The following TCF4 variants were observed in gnomAD, a reference collection of about 807,000 sequenced individuals.
TCF4 encodes the protein transcription factor 4, also known as SL3-3 enhancer factor 2.
Under a neutral mutation model 82.1 loss-of-function variants are expected in TCF4, and 3 were observed. That is an observed-to-expected ratio of 0.04 (90% CI 0.02 to 0.09). The LOEUF (loss-of-function observed/expected upper bound fraction) is 0.09. Ranked by LOEUF, TCF4 falls within the 10% of genes least tolerant of loss-of-function variation. The probability of loss-of-function intolerance (pLI) is 1.00; values close to 1 mark genes in which losing one functional copy is unlikely to be tolerated. For synonymous variants in TCF4, 276 were observed against 309.6 expected, an observed-to-expected ratio of 0.89 and a Z score of 1.14; for missense variants, 518 against 852.7, an observed-to-expected ratio of 0.61 and a Z score of 4.89.
chr18:55,300,119 CA>C lies in TCF4; in HGVS notation c.550-20464del, dbSNP rs1568830557. ...AGATATACACACACACACACACACA[CA>C]CACACCCCACATTAATCTCTATTGC... On this transcript the variant is annotated intron_variant, in intron 8 of 19. Coordinates refer to ENST00000354452, the MANE Select transcript of TCF4 (RefSeq NM_001083962.2). Among the ~76,000 whole-genome samples the C allele has an allele frequency of 1.4e-3, 216 of 152,110 alleles. 2 individuals carry two copies. The highest frequency in any genetic ancestry group is 4.7e-3 in the African/African-American group (197 of 41,474).
At chr18:55,554,718 T>C (rs1327006902) in intron 3 of TCF4, among the ~76,000 whole-genome samples, 1 of 152,178 alleles carries the variant, frequency 6.6e-6, no homozygotes, top group Non-Finnish European at 1.5e-5. Flanking sequence ...GGGGGTGCCA[T>C]GCAGTGGCCC....
intron 8 of TCF4, among the ~76,000 whole-genome samples, chr18:55,324,451 A>C (rs2076217369): frequency 6.6e-6 from 1 of 152,204 alleles, no homozygotes; most frequent in Non-Finnish European, 1.5e-5. Context: ...ATAAATTTTT[A>C]GTGTGATGCG....
intron 5 of TCF4, among the ~76,000 whole-genome samples, chr18:55,410,527 C>T (rs1055945329): frequency 2.0e-5 from 3 of 152,014 alleles, no homozygotes; most frequent in Admixed American, 1.3e-4. Context: ...ACCCTAAAAG[C>T]TCATTAAATG....
intron 14 of TCF4, 85 bp downstream of exon 14, chr18:55,257,230 C>A (rs902718610): frequency 6.0e-5 from 86 of 1,423,174 alleles, no homozygotes; most frequent in Middle Eastern, 1.8e-4. Context: ...CAGGGAAAAT[C>A]AAAATCTTGG....
intron 3 of TCF4, among the ~76,000 whole-genome samples, chr18:55,528,196 T>C (rs531377653): frequency 6.6e-6 from 1 of 152,334 alleles, no homozygotes; most frequent in East Asian, 1.9e-4. Context: ...ATCTGGAAGC[T>C]GCACGATATT....
At chr18:55,280,682 G>A (rs980056093) in intron 8 of TCF4, among the ~76,000 whole-genome samples, 1 of 151,980 alleles carries the variant, frequency 6.6e-6, no homozygotes, top group Admixed American at 6.6e-5. Flanking sequence ...CACAAAATTG[G>A]CAGTGAGCCT....
intron 3 of TCF4, among the ~76,000 whole-genome samples, chr18:55,575,245 C>T (rs1293875512): frequency 1.3e-5 from 2 of 152,132 alleles, no homozygotes; most frequent in African/African-American, 2.4e-5. Context: ...CATAAGAGAA[C>T]AGAAAAGCAT....
rs1299057545 is a variant in TCF4, at chr18:55,360,732, T to C, written c.370-9729A>G. On this transcript the variant is annotated intron_variant, in intron 6 of 19. Coordinates refer to ENST00000354452, the MANE Select transcript of TCF4 (RefSeq NM_001083962.2). ...GCCATAATTTGCCCGCCCCCCACCC[T>C]TTTTTTTTTTTTTTTGAGAGAAGTC... Among the ~76,000 whole-genome samples, 58 of 23,296 alleles carry C rather than the reference T, an allele frequency of 2.5e-3. 2 individuals carry two copies. The highest frequency in any genetic ancestry group is 0.021 in the South Asian group (19 of 884). The allele number at this position is 23,296 out of a possible 152,430, so 15.3% of individuals were successfully genotyped here.
At chr18:55,341,144 T>G (rs2079859906) in intron 8 of TCF4, among the ~76,000 whole-genome samples, 1 of 152,180 alleles carries the variant, frequency 6.6e-6, no homozygotes, top group Non-Finnish European at 1.5e-5. Flanking sequence ...TGTAGAGAGC[T>G]TTTTGGTCTA....
At chr18:55,598,808 A>G (rs375591968) in intron 2 of TCF4, among the ~76,000 whole-genome samples, 1 of 152,240 alleles carries the variant, frequency 6.6e-6, no homozygotes, top group Non-Finnish European at 1.5e-5. Context: ...AGAGCCATCA[A>G]ATACAGCTCC....
At chr18:55,435,437 T>C (rs943747716) in intron 5 of TCF4, among the ~76,000 whole-genome samples, 2 of 152,254 alleles carry the variant, frequency 1.3e-5, no homozygotes, top group African/African-American at 4.8e-5. Context: ...CCATGTTTAC[T>C]GTTTGTCTCT....
At chr18:55,393,163 G>A (rs1012755039) in intron 6 of TCF4, among the ~76,000 whole-genome samples, 1 of 152,148 alleles carries the variant, frequency 6.6e-6, no homozygotes. Flanking sequence ...TCAGGAATTT[G>A]AGACAGCCTG....
At chr18:55,254,452 T>G (rs982088628) in intron 15 of TCF4, 45 bp downstream of exon 15, 2 of 1,567,666 alleles carry the variant, frequency 1.3e-6, no homozygotes, top group Non-Finnish European at 8.8e-7. Flanking sequence ...TCTGAAATTC[T>G]AACTCTATAT....
At chr18:55,486,997 CA>C (rs1460857250) in intron 3 of TCF4, among the ~76,000 whole-genome samples, 71 of 152,190 alleles carry the variant, frequency 4.7e-4, no homozygotes, top group African/African-American at 1.7e-3. Context: ...GAGCCACTGA[CA>C]ACTGTCACTT....
At chr18:55,418,838 A>G (rs1376070192) in intron 5 of TCF4, among the ~76,000 whole-genome samples, 1 of 152,194 alleles carries the variant, frequency 6.6e-6, no homozygotes, top group African/African-American at 2.4e-5. Flanking sequence ...ATCTAAGAAA[A>G]GTAGCCAAAT....
intron 2 of TCF4, among the ~76,000 whole-genome samples, chr18:55,619,929 C>T (rs943906914): frequency 2.0e-5 from 3 of 152,162 alleles, no homozygotes; most frequent in Non-Finnish European, 2.9e-5. Context: ...CCACCCAAAT[C>T]TCACCTTGAA....
At chr18:55,517,991 T>C (rs971856963) in intron 3 of TCF4, among the ~76,000 whole-genome samples, 1 of 152,210 alleles carries the variant, frequency 6.6e-6, no homozygotes, top group African/African-American at 2.4e-5. Flanking sequence ...ATATCCATTA[T>C]TCTCCAAATA....
intron 3 of TCF4, among the ~76,000 whole-genome samples, chr18:55,465,567 C>CCAAG (rs151311553): frequency 0.061 from 9,335 of 152,036 alleles, 424 homozygotes; most frequent in African/African-American, 0.13. Flanking sequence ...CGGGACTGCA[C>CCAAG]CAAGCCTAGA....
At chr18:55,416,341 C>T (rs2094524700) in intron 5 of TCF4, among the ~76,000 whole-genome samples, 1 of 152,100 alleles carries the variant, frequency 6.6e-6, no homozygotes. Flanking sequence ...ATAACACATC[C>T]AATCTCTAAT....
Sources: allele counts gnomAD v4.1 joint callset (sites outside exome capture counted in the v4.1 genomes callset), GRCh38; gene constraint gnomAD v4.1.1; transcripts MANE v1.5; gene names NCBI Gene and HGNC (gene_info 2026-07-23, HGNC 2026-07-21).